The following ST3GAL3 variants were observed in gnomAD, a reference collection of about 807,000 sequenced individuals.
The protein encoded by ST3GAL3 is ST3 beta-galactoside alpha-2,3-sialyltransferase 3.
In ST3GAL3, 21 loss-of-function variants were observed where a neutral mutation model predicts 50.1. That is an observed-to-expected ratio of 0.42 (90% CI 0.30 to 0.60). ST3GAL3 has a LOEUF of 0.60. Among genes scored for constraint, ST3GAL3 ranks in the 20% least tolerant of loss-of-function variants. The probability of loss-of-function intolerance (pLI) is 0.19; values close to 1 mark genes in which losing one functional copy is unlikely to be tolerated. For synonymous variants in ST3GAL3, 183 were observed against 190.0 expected, an observed-to-expected ratio of 0.96 and a Z score of 0.30; for missense variants, 353 against 489.4, an observed-to-expected ratio of 0.72 and a Z score of 2.63.
intron 2 of ST3GAL3, chr1:43,738,166 T>A (rs1679274071): frequency 6.6e-6 from 1 of 151,960 alleles, no homozygotes; most frequent in Admixed American, 6.6e-5. Flanking sequence ...GAAGGGGGTG[T>A]GAAAAGAAAA....
chr1:43,843,888 C>T (rs765028550), intron 5 of ST3GAL3, among the ~76,000 whole-genome samples: 5 of 152,138 alleles, frequency 3.3e-5, no homozygotes, highest in East Asian at 3.8e-4. Flanking sequence ...CACAGGTTGA[C>T]GGCCGAACAA....
chr1:43,838,563 T>A (rs2064828722), intron 5 of ST3GAL3: 1 of 448,814 alleles, frequency 2.2e-6, no homozygotes, highest in Admixed American at 3.3e-5. Flanking sequence ...ACCTACATGG[T>A]TGCCGCATGC....
Position 43,930,740 on chromosome 1 carries a change from G to A in ST3GAL3, c.*519G>A, listed in dbSNP as rs2084903757. On this transcript the variant is annotated 3_prime_UTR_variant, in exon 12 of 12. Transcript: ENST00000347631. ...CTTGCTGTGGGGCTACAGGATGGTG[G>A]GCAGGATCTCAAGCCAGCCCCCTCC... is the stretch of plus-strand genomic sequence containing the variant. 1 of 223,888 alleles carries A rather than the reference G, an allele frequency of 4.5e-6. No individual in the cohort carries two copies. 13.9% of individuals were successfully genotyped at this position (223,888 alleles called of 1,614,324 possible). A position where few individuals can be genotyped will look rare whatever the true frequency, so the allele number is the denominator to read the frequency against.
In ST3GAL3 at chr1:43,899,745, C is replaced by A. The variant is rs888595891; in HGVS notation, c.744+18C>A. 6.2e-7 allele frequency: 1 copy of A among 1,611,628 alleles called. No individual in the cohort carries two copies. Among genetic ancestry groups the A allele is most frequent in the African/African-American group, 1.3e-5 (1 of 74,986 alleles). ...AGAGAGTGGTAAGCTCTCCTGGCACCAGCTTCTTCCCCTCTTGCCCTGGGC... is the reference window on the plus strand; with the variant it reads ...AGAGAGTGGTAAGCTCTCCTGGCACAAGCTTCTTCCCCTCTTGCCCTGGGC... On this transcript the variant is annotated intron_variant, in intron 9 of 11. Coordinates refer to ENST00000347631, the MANE Select transcript of ST3GAL3 (RefSeq NM_006279.5). This position sits in a 1 kb window ranked among gnomAD's most constrained non-coding sequence, Gnocchi z 5.4.
At chr1:43,751,859 A>C (rs577195178) in intron 2 of ST3GAL3, among the ~76,000 whole-genome samples, 23 of 151,884 alleles carry the variant, frequency 1.5e-4, no homozygotes, top group African/African-American at 5.6e-4. Flanking sequence ...GGTTCTCGTC[A>C]CCCAGGCTGG....
chr1:43,744,032 C>T (rs1167380745), intron 2 of ST3GAL3, among the ~76,000 whole-genome samples: 2 of 152,114 alleles, frequency 1.3e-5, no homozygotes, highest in African/African-American at 4.8e-5. Context: ...CTTTATATTC[C>T]AGTAACTTAA....
At chr1:43,903,226 C>T (rs1320350769) in intron 9 of ST3GAL3, among the ~76,000 whole-genome samples, 1 of 152,202 alleles carries the variant, frequency 6.6e-6, no homozygotes, top group Non-Finnish European at 1.5e-5. Flanking sequence ...GTGGCCTGTG[C>T]ATCCTCTTCC....
chr1:43,898,335 G>C (rs778553102), intron 7 of ST3GAL3, 37 bp downstream of exon 7: 1 of 1,608,302 alleles, frequency 6.2e-7, no homozygotes, highest in Non-Finnish European at 8.5e-7. Flanking sequence ...ACCCACCGCT[G>C]CCTGGTGGTG....
intron 3 of ST3GAL3, among the ~76,000 whole-genome samples, chr1:43,792,801 ATCAC>A (rs1439818041): frequency 2.6e-5 from 4 of 152,214 alleles, no homozygotes; most frequent in Non-Finnish European, 4.4e-5. Flanking sequence ...CCTGTTCCAC[ATCAC>A]TGTGCCTGTT....
intron 9 of ST3GAL3, among the ~76,000 whole-genome samples, chr1:43,910,336 A>G (rs1159728670): frequency 1.3e-5 from 2 of 152,238 alleles, no homozygotes; most frequent in African/African-American, 4.8e-5. Context: ...CAGGTAAAGC[A>G]CTGGCCTCAG....
chr1:43,726,309 T>C (rs1315160919), intron 1 of ST3GAL3, among the ~76,000 whole-genome samples: 1 of 152,016 alleles, frequency 6.6e-6, no homozygotes, highest in Non-Finnish European at 1.5e-5. Flanking sequence ...TTATAAGAGA[T>C]AGGGTCTTGC....
chr1:43,727,787 T>A (rs550534522), intron 1 of ST3GAL3, among the ~76,000 whole-genome samples: 62 of 152,230 alleles, frequency 4.1e-4, no homozygotes, highest in African/African-American at 1.5e-3. Context: ...CTCAAAAATT[T>A]TTTTTTTCTC....
chr1:43,755,532 T>A (rs1426694600), intron 2 of ST3GAL3, among the ~76,000 whole-genome samples: 1 of 152,174 alleles, frequency 6.6e-6, no homozygotes, highest in Non-Finnish European at 1.5e-5. Context: ...AAACATGCAT[T>A]ACTTGTGAAC....
At chr1:43,747,738 CTCT>C (rs1186519334) in intron 2 of ST3GAL3, among the ~76,000 whole-genome samples, 4 of 151,466 alleles carry the variant, frequency 2.6e-5, no homozygotes, top group African/African-American at 9.7e-5. Flanking sequence ...CCACCACCAC[CTCT>C]GGCTAAGTTT....
At chr1:43,883,554 C>G (rs2075498824) in intron 5 of ST3GAL3, among the ~76,000 whole-genome samples, 1 of 152,266 alleles carries the variant, frequency 6.6e-6, no homozygotes. Flanking sequence ...GATGCACGCC[C>G]TGCCTGGCCT....
chr1:43,802,163 G>C (rs571624720), intron 3 of ST3GAL3, among the ~76,000 whole-genome samples: 1 of 152,112 alleles, frequency 6.6e-6, no homozygotes, highest in Non-Finnish European at 1.5e-5. Flanking sequence ...TTTTTATTCA[G>C]GAGTTTTGTC....
At chr1:43,759,014 A>C (rs1689151079) in intron 2 of ST3GAL3, among the ~76,000 whole-genome samples, 1 of 151,644 alleles carries the variant, frequency 6.6e-6, no homozygotes, top group Non-Finnish European at 1.5e-5. Flanking sequence ...ACAGCCCTCC[A>C]GCGTGGGCAA....
At position 43,926,409 on chromosome 1, in the gene ST3GAL3, G is replaced by A. The variant is rs181435767; in HGVS notation, c.1039-3723G>A. On this transcript the variant is annotated intron_variant, in intron 11 of 11. Transcript: ENST00000347631. ...TTCCGAGACCAGCCTGACCAACATG[G>A]AGAAACCCTGTCTCTACTGAAAATA... Among the ~76,000 whole-genome samples the A allele has an allele frequency of 1.1e-4, 16 of 152,252 alleles. No individual in the cohort carries two copies. The East Asian group carries it at 2.1e-3, about 20-fold the overall frequency.
chr1:43,758,171 C>CCT (rs1407995626), intron 2 of ST3GAL3, among the ~76,000 whole-genome samples: 4 of 137,296 alleles, frequency 2.9e-5, no homozygotes, highest in African/African-American at 1.0e-4. Context: ...CACCCCCCCC[C>CCT]CCAAAAAAAA....
Sources: allele counts gnomAD v4.1 joint callset (sites outside exome capture counted in the v4.1 genomes callset), GRCh38; gene constraint gnomAD v4.1.1; non-coding constraint Gnocchi (gnomAD v3.1); transcripts MANE v1.5; gene names NCBI Gene and HGNC (gene_info 2026-07-23, HGNC 2026-07-21).